The following ANKRD36 variants were observed in gnomAD, a reference collection of about 807,000 sequenced individuals.
ANKRD36 encodes ankyrin repeat domain 36.
ANKRD36 carries 179 observed loss-of-function variants against 278.1 expected under a neutral mutation model. That is an observed-to-expected ratio of 0.64 (90% CI 0.57 to 0.73). The LOEUF (loss-of-function observed/expected upper bound fraction) is 0.73, where lower values mean the gene tolerates loss of function less well. Ranked by LOEUF, ANKRD36 falls within the 30% of genes least tolerant of loss-of-function variation. The probability of loss-of-function intolerance (pLI) is 0.00; values close to 1 mark genes in which losing one functional copy is unlikely to be tolerated. For missense variants in ANKRD36, 1,159 were observed against 1,956.7 expected (o/e 0.59, Z 7.69); for synonymous variants, 320 against 641.1 (o/e 0.50, Z 7.57).
intron 8 of ANKRD36, among the ~76,000 whole-genome samples, chr2:97,143,253 G>C (rs1243630282): frequency 6.6e-6 from 1 of 151,922 alleles, no homozygotes; most frequent in Non-Finnish European, 1.5e-5. Flanking sequence ...GAGAACTAAG[G>C]AGACCTCTGA....
intron 1 of ANKRD36, 150 bp downstream of exon 1, chr2:97,114,086 G>A (rs2034432685): frequency 2.4e-6 from 3 of 1,253,898 alleles, no homozygotes; most frequent in Non-Finnish European, 2.2e-6. Context: ...GGAGTGAGTG[G>A]AGCGGGGCCT....
chr2:97,206,523 T>A (rs2062892679), intron 52 of ANKRD36, among the ~76,000 whole-genome samples: 1 of 151,396 alleles, frequency 6.6e-6, no homozygotes, highest in African/African-American at 2.4e-5. Context: ...CTTGTTGTAA[T>A]AACCCGTACA....
intron 11 of ANKRD36, among the ~76,000 whole-genome samples, chr2:97,147,650 GT>G (rs768102807): frequency 2.6e-5 from 4 of 152,062 alleles, no homozygotes; most frequent in Non-Finnish European, 5.9e-5. Flanking sequence ...AGTGATTTTA[GT>G]TTTAGAAAGA....
intron 40 of ANKRD36, among the ~76,000 whole-genome samples, chr2:97,195,969 C>G (rs1212195741): frequency 6.6e-6 from 1 of 151,966 alleles, no homozygotes; most frequent in Non-Finnish European, 1.5e-5. Context: ...GAAGGCTAAA[C>G]TAGTGGATAC....
At chr2:97,228,617 T>C (rs546489348) in intron 67 of ANKRD36, among the ~76,000 whole-genome samples, 87 of 151,936 alleles carry the variant, frequency 5.7e-4, no homozygotes, top group Non-Finnish European at 1.1e-3. Context: ...TTTGAAGGGT[T>C]TTTTGTGTCT....
intron 17 of ANKRD36, among the ~76,000 whole-genome samples, chr2:97,159,052 A>G (rs936721652): frequency 6.6e-6 from 1 of 152,090 alleles, no homozygotes; most frequent in African/African-American, 2.4e-5. Flanking sequence ...GAGTTGAATA[A>G]GAGTGTCAAG....
At chr2:97,216,924 C>G (rs57831494) in intron 62 of ANKRD36, 21 of 911,972 alleles carry the variant, frequency 2.3e-5, no homozygotes, top group East Asian at 1.2e-4. Context: ...GATATTGACA[C>G]GGTTTTATTT....
At chr2:97,225,754 T>C (rs1389054016) in intron 67 of ANKRD36, among the ~76,000 whole-genome samples, 1 of 151,482 alleles carries the variant, frequency 6.6e-6, no homozygotes, top group Non-Finnish European at 1.5e-5. Context: ...TAGGTATATC[T>C]CCTAATGCTA....
At chr2:97,159,176 G>A (rs2048238382) in intron 17 of ANKRD36, among the ~76,000 whole-genome samples, 1 of 151,926 alleles carries the variant, frequency 6.6e-6, no homozygotes, top group African/African-American at 2.4e-5. Context: ...AGAAAGCCAA[G>A]TAATTGAAAA....
intron 12 of ANKRD36, among the ~76,000 whole-genome samples, chr2:97,151,328 CT>C (rs1267145609): frequency 3.3e-5 from 5 of 151,706 alleles, no homozygotes; most frequent in African/African-American, 1.2e-4. Flanking sequence ...TTTTTTCTGT[CT>C]TTTTTGGAAG....
At chr2:97,210,301 G>A (rs1185821163) in intron 56 of ANKRD36, among the ~76,000 whole-genome samples, 1 of 151,828 alleles carries the variant, frequency 6.6e-6, no homozygotes, top group Non-Finnish European at 1.5e-5. Flanking sequence ...GACCCCTGGT[G>A]TAGCAACTAT....
At position 97,146,441 on chromosome 2, in the gene ANKRD36, G is replaced by T. The variant is rs777351566; in HGVS notation, c.1004-45G>T. ...CTTTTATGTTTTTAATATTTTATAG[G>T]TTCCTATTGTTGATTTAAAATGCAT... is the stretch of plus-strand genomic sequence containing the variant. On this transcript the variant is annotated intron_variant, in intron 10 of 75. Coordinates refer to ENST00000420699, the MANE Select transcript of ANKRD36 (RefSeq NM_001354587.1). 20 of 1,419,516 alleles carry T rather than the reference G, an allele frequency of 1.4e-5. No individual in the cohort carries two copies. In the South Asian group the frequency reaches 2.6e-4, roughly 18 times the overall value. The allele number at this position is 1,419,516 out of a possible 1,614,324, so 87.9% of individuals were successfully genotyped here.
chr2:97,194,828 T>C lies in ANKRD36; in HGVS notation c.2479-17T>C, dbSNP rs745566575. 1.4e-5 allele frequency: 22 copies of C among 1,598,172 alleles called. No homozygotes were observed. In the African/African-American group the frequency reaches 2.4e-4, roughly 18 times the overall value. On this transcript the variant is annotated splice_polypyrimidine_tract_variant and intron_variant, in intron 39 of 75. Transcript: ENST00000420699. ...GAAACATACCTTATTTATTATTTTG[T>C]TTCAAATTCCACTCAGGCTACAAGT...
chr2:97,198,964 G>C (rs1359244213), intron 44 of ANKRD36, among the ~76,000 whole-genome samples: 1 of 151,864 alleles, frequency 6.6e-6, no homozygotes, highest in African/African-American at 2.4e-5. Flanking sequence ...TTTTCAGTAA[G>C]GGTGGAAGGA....
chr2:97,208,052 A>G (rs1307177013), intron 54 of ANKRD36, 46 bp downstream of exon 54: 2 of 1,460,216 alleles, frequency 1.4e-6, no homozygotes, highest in Non-Finnish European at 9.2e-7. Context: ...GCAGATAGAT[A>G]AGAAGTTCTC....
intron 22 of ANKRD36, among the ~76,000 whole-genome samples, chr2:97,174,187 G>A (rs1047947336): frequency 2.0e-5 from 3 of 151,696 alleles, no homozygotes; most frequent in African/African-American, 7.3e-5. Flanking sequence ...AAAAGTGGAC[G>A]AAGAGACAGT....
chr2:97,174,903 G>C (rs1486559697), intron 22 of ANKRD36, among the ~76,000 whole-genome samples: 1 of 148,522 alleles, frequency 6.7e-6, no homozygotes, highest in Non-Finnish European at 1.5e-5. Flanking sequence ...TTTGTCTTTG[G>C]CTCTGTTTAT....
intron 48 of ANKRD36, among the ~76,000 whole-genome samples, chr2:97,203,737 T>A (rs897057296): frequency 4.0e-5 from 6 of 151,836 alleles, no homozygotes; most frequent in African/African-American, 1.5e-4. Flanking sequence ...TGACATTGAT[T>A]CTGACGTGTA....
chr2:97,195,423 G>C lies in ANKRD36; in HGVS notation c.2551+506G>C, dbSNP rs535001922. On this transcript the variant is annotated intron_variant, in intron 40 of 75. Coordinates refer to ENST00000420699, the MANE Select transcript of ANKRD36 (RefSeq NM_001354587.1). Reference sequence around the variant, plus strand: ...AGAGGAAGTCATTTATATAATTTTGGGGTTACTGCTGAGGAAACCTGAGTG... The same window carrying C: ...AGAGGAAGTCATTTATATAATTTTGCGGTTACTGCTGAGGAAACCTGAGTG... 1.3e-3 allele frequency among the ~76,000 whole-genome samples: 196 copies of C among 152,056 alleles called. 1 individual carries two copies. Among genetic ancestry groups the C allele is most frequent in the African/African-American group, 4.4e-3 (184 of 41,512 alleles).
Sources: gnomAD v4.1 joint callset for allele counts (sites outside exome capture counted in the v4.1 genomes callset) on GRCh38, gnomAD v4.1.1 for gene constraint, MANE v1.5 for transcripts, NCBI Gene and HGNC (gene_info 2026-07-23, HGNC 2026-07-21) for gene names.